Variants in KSR2 observed in about 807,000 individuals in gnomAD.
The protein encoded by KSR2 is kinase suppressor of ras 2.
In KSR2, 25 loss-of-function variants were observed where a neutral mutation model predicts 107.8. The ratio of observed to expected loss-of-function variants is 0.23; its 90% CI spans 0.17 to 0.32. KSR2 has a LOEUF of 0.32. Ranked by LOEUF, KSR2 falls within the 10% of genes least tolerant of loss-of-function variation. The pLI is 1.00. For missense variants in KSR2, 887 were observed against 1,268.9 expected, an observed-to-expected ratio of 0.70 and a Z score of 4.57; for synonymous variants, 480 against 507.0, an observed-to-expected ratio of 0.95 and a Z score of 0.71.
intron 14 of KSR2, among the ~76,000 whole-genome samples, chr12:117,519,877 A>G (rs981255950): frequency 2.6e-5 from 4 of 152,140 alleles, no homozygotes; most frequent in African/African-American, 9.7e-5. Context: ...CGGAAAATCA[A>G]GGCTACAAAA....
chr12:117,871,715 C>CAG (rs773504454), intron 1 of KSR2, among the ~76,000 whole-genome samples: 4 of 151,304 alleles, frequency 2.6e-5, no homozygotes, highest in Admixed American at 6.6e-5. Context: ...TATTTGCACA[C>CAG]AGAGAGAGAG....
At chr12:117,657,236 G>C (rs1884222969) in intron 5 of KSR2, among the ~76,000 whole-genome samples, 1 of 151,772 alleles carries the variant, frequency 6.6e-6, no homozygotes, top group African/African-American at 2.4e-5. Context: ...GACTAGAATA[G>C]GGGAGACTGC....
intron 14 of KSR2, among the ~76,000 whole-genome samples, chr12:117,507,434 G>A (rs1325383031): frequency 6.6e-6 from 1 of 152,232 alleles, no homozygotes; most frequent in East Asian, 1.9e-4. Context: ...TCTTTCTAGG[G>A]TTGACCAAAG....
At chr12:117,605,492 C>A (rs1307778650) in intron 5 of KSR2, among the ~76,000 whole-genome samples, 2 of 152,128 alleles carry the variant, frequency 1.3e-5, no homozygotes, top group South Asian at 2.1e-4. Flanking sequence ...CAACCCATCA[C>A]CTAGGTATTA....
intron 14 of KSR2, among the ~76,000 whole-genome samples, chr12:117,490,273 G>A (rs1093305): frequency 0.074 from 11,326 of 152,176 alleles, 534 homozygotes; most frequent in East Asian, 0.23. Context: ...TCCAAATCCC[G>A]ACTCCAGCAT....
chr12:117,659,399 T>C (rs1236612829), intron 5 of KSR2, among the ~76,000 whole-genome samples: 1 of 152,146 alleles, frequency 6.6e-6, no homozygotes, highest in Admixed American at 6.5e-5. Flanking sequence ...TTGCCTCTCA[T>C]GGAACATACA....
intron 9 of KSR2, among the ~76,000 whole-genome samples, chr12:117,552,005 C>G: frequency 6.6e-6 from 1 of 152,096 alleles, no homozygotes; most frequent in East Asian, 1.9e-4. Context: ...CAAAATGTCA[C>G]AAAGGAAAGA....
intron 1 of KSR2, among the ~76,000 whole-genome samples, chr12:117,939,864 C>G (rs920369363): frequency 6.6e-6 from 1 of 151,392 alleles, no homozygotes; most frequent in Non-Finnish European, 1.5e-5. Flanking sequence ...TTGCTTGAAC[C>G]CAGGAGATGG....
intron 1 of KSR2, among the ~76,000 whole-genome samples, chr12:117,885,905 C>A (rs183092313): frequency 4.6e-5 from 7 of 152,098 alleles, no homozygotes; most frequent in African/African-American, 1.7e-4. Context: ...ACCATCCTGG[C>A]TAACATGGTG....
intron 16 of KSR2, among the ~76,000 whole-genome samples, chr12:117,476,894 A>G (rs1342006264): frequency 6.6e-6 from 1 of 152,242 alleles, no homozygotes; most frequent in African/African-American, 2.4e-5. Flanking sequence ...GTTACGTTCT[A>G]TAAAGTCACT....
chr12:117,720,044 A>G (rs1887145899), intron 4 of KSR2, among the ~76,000 whole-genome samples: 1 of 152,152 alleles, frequency 6.6e-6, no homozygotes, highest in South Asian at 2.1e-4. Flanking sequence ...TGAAGTTTGG[A>G]AGCTTGGGAG....
intron 1 of KSR2, among the ~76,000 whole-genome samples, chr12:117,866,552 G>A (rs531588724): frequency 8.5e-5 from 13 of 152,258 alleles, no homozygotes; most frequent in African/African-American, 2.4e-4. Context: ...TGATTCGGCC[G>A]GACACAGTGG....
At chr12:117,957,200 C>T (rs189834448) in intron 1 of KSR2, among the ~76,000 whole-genome samples, 1 of 152,228 alleles carries the variant, frequency 6.6e-6, no homozygotes, top group African/African-American at 2.4e-5. Flanking sequence ...CACAGGAGAG[C>T]AGTAAACCTC....
intron 10 of KSR2, among the ~76,000 whole-genome samples, chr12:117,537,391 C>T (rs994972735): frequency 6.6e-6 from 1 of 152,114 alleles, no homozygotes; most frequent in Non-Finnish European, 1.5e-5. Flanking sequence ...ATAAAGATAG[C>T]CACTGTACTT....
chr12:117,646,019 T>A (rs946203768), intron 5 of KSR2, among the ~76,000 whole-genome samples: 3 of 152,108 alleles, frequency 2.0e-5, no homozygotes, highest in Non-Finnish European at 4.4e-5. Flanking sequence ...AGTCTTCATA[T>A]ATTAATAACT....
chr12:117,766,947 A>C (rs1321844291), intron 3 of KSR2, among the ~76,000 whole-genome samples: 1 of 151,824 alleles, frequency 6.6e-6, no homozygotes, highest in Non-Finnish European at 1.5e-5. Context: ...GCAGTGGCAC[A>C]ATCTCGGCTC....
intron 5 of KSR2, among the ~76,000 whole-genome samples, chr12:117,638,837 C>G (rs1426147665): frequency 1.3e-5 from 2 of 152,110 alleles, no homozygotes; most frequent in Non-Finnish European, 1.5e-5. Flanking sequence ...AAACCTCCAG[C>G]ACAAAATTTA....
At chr12:117,818,399 CT>C (rs1468326512) in intron 3 of KSR2, among the ~76,000 whole-genome samples, 4 of 152,168 alleles carry the variant, frequency 2.6e-5, no homozygotes, top group Non-Finnish European at 5.9e-5. Context: ...ATGGCTTAAC[CT>C]CTCTCCCTCA....
At chr12:117,830,356 G>C (rs1891914192) in intron 3 of KSR2, among the ~76,000 whole-genome samples, 1 of 152,036 alleles carries the variant, frequency 6.6e-6, no homozygotes, top group Non-Finnish European at 1.5e-5. Context: ...CTCCTAGAAG[G>C]GGGAGGGAAG....
Sources: allele counts gnomAD v4.1 joint callset (sites outside exome capture counted in the v4.1 genomes callset), GRCh38; gene constraint gnomAD v4.1.1; transcripts MANE v1.5; gene names NCBI Gene and HGNC (gene_info 2026-07-23, HGNC 2026-07-21).